The following MRRF variants were observed in gnomAD, a reference collection of about 807,000 sequenced individuals.
The protein encoded by MRRF is mitochondrial ribosome recycling factor.
A neutral mutation model predicts 25.1 loss-of-function variants in MRRF; 18 were observed. The ratio of observed to expected loss-of-function variants is 0.72; its 90% CI spans 0.50 to 1.06. MRRF has a LOEUF of 1.06. MRRF is among the 50% of genes least tolerant of loss of function. MRRF has a pLI of 0.00. For missense variants in MRRF, 323 were observed against 319.3 expected (o/e 1.01, Z -0.09); for synonymous variants, 113 against 112.1 (o/e 1.01, Z -0.05).
At chr9:122,321,217 G>T (rs1835871275) in intron 6 of MRRF, among the ~76,000 whole-genome samples, 1 of 152,016 alleles carries the variant, frequency 6.6e-6, no homozygotes, top group African/African-American at 2.4e-5. Flanking sequence ...ACATATTTTA[G>T]AGATCATTTC....
rs554886813 is a variant in MRRF at position 122,303,411 on chromosome 9, T to A, written c.552-9816T>A. On this transcript the variant is annotated intron_variant, in intron 5 of 6. Coordinates refer to ENST00000344641, the MANE Select transcript of MRRF (RefSeq NM_138777.5). ...TTAATTTTATCTTTTTGAGACAGGC[T>A]TTTACTTTGTCACTCAGGCTCGAGT... Among the ~76,000 whole-genome samples the A allele has an allele frequency of 3.3e-5, 5 of 152,126 alleles. No individual in the cohort carries two copies. In the South Asian group the frequency reaches 1.0e-3, roughly 32 times the overall value.
At chr9:122,270,685 G>A (rs1832391288) in intron 1 of MRRF, 179 bp from the exon 2 acceptor site, 1 of 579,570 alleles carries the variant, frequency 1.7e-6, no homozygotes, top group Admixed American at 2.9e-5. Context: ...TGTAAAATGA[G>A]GCAAATAATA....
chr9:122,323,312 C>T lies in MRRF; in HGVS notation c.*695C>T, dbSNP rs1835996924. On this transcript the variant is annotated 3_prime_UTR_variant, in exon 7 of 7. Coordinates refer to ENST00000344641, the MANE Select transcript of MRRF (RefSeq NM_138777.5). ...ACCTAGGACCCTCATTACCGGCTCT[C>T]ATAGCACAGTCTACTGCTTTGTACG... 1 of 156,380 alleles carries T rather than the reference C, an allele frequency of 6.4e-6. No individual in the cohort carries two copies. Among genetic ancestry groups the T allele is most frequent in the African/African-American group, 2.4e-5 (1 of 41,584 alleles). 9.7% of individuals were successfully genotyped at this position (156,380 alleles called of 1,614,324 possible).
intron 3 of MRRF, among the ~76,000 whole-genome samples, chr9:122,282,128 A>G (rs2118705291): frequency 6.6e-6 from 1 of 152,312 alleles, no homozygotes; most frequent in South Asian, 2.1e-4. Context: ...GACTGGGTGA[A>G]ACAGACTAAA....
At chr9:122,280,223 G>A (rs988063264) in intron 2 of MRRF, among the ~76,000 whole-genome samples, 2 of 152,216 alleles carry the variant, frequency 1.3e-5, no homozygotes, top group South Asian at 4.1e-4. Context: ...CTAACCTGGG[G>A]TGTCTGATTA....
At chr9:122,274,384 C>T (rs182877465) in intron 2 of MRRF, among the ~76,000 whole-genome samples, 1 of 152,268 alleles carries the variant, frequency 6.6e-6, no homozygotes, top group East Asian at 1.9e-4. Context: ...AGGCCAGGCA[C>T]GATGGCTCAC....
intron 2 of MRRF, among the ~76,000 whole-genome samples, chr9:122,273,517 ATC>A (rs1213284457): frequency 2.0e-5 from 3 of 150,616 alleles, no homozygotes; most frequent in Admixed American, 2.0e-4. Context: ...GGGGAATCCT[ATC>A]TTTTTTTTTT....
At chr9:122,267,783 C>A (rs535014555) in intron 1 of MRRF, among the ~76,000 whole-genome samples, 2 of 152,174 alleles carry the variant, frequency 1.3e-5, no homozygotes, top group African/African-American at 4.8e-5. Context: ...TGTGCATAAA[C>A]CACTTAGAAT....
intron 1 of MRRF, among the ~76,000 whole-genome samples, chr9:122,269,614 C>G (rs545811397): frequency 6.6e-6 from 1 of 152,140 alleles, no homozygotes; most frequent in Admixed American, 6.5e-5. Context: ...GTAATCCCAG[C>G]TACTTGGGAG....
chr9:122,298,569 C>G (rs952746965), intron 5 of MRRF, among the ~76,000 whole-genome samples: 3 of 152,172 alleles, frequency 2.0e-5, no homozygotes, highest in African/African-American at 7.2e-5. Flanking sequence ...CCTCTGGTCC[C>G]GGACAACCAC....
chr9:122,285,318 TG>T, intron 4 of MRRF, 31 bp downstream of exon 4: 1 of 1,304,102 alleles, frequency 7.7e-7, no homozygotes, highest in Non-Finnish European at 1.1e-6. Flanking sequence ...TCTCTCTCCG[TG>T]GTCTCTTTTG....
At chr9:122,321,481 A>G (rs2119018031) in intron 6 of MRRF, among the ~76,000 whole-genome samples, 1 of 152,300 alleles carries the variant, frequency 6.6e-6, no homozygotes, top group South Asian at 2.1e-4. Flanking sequence ...AACTTCAGAA[A>G]ATTTTTTCAG....
intron 3 of MRRF, among the ~76,000 whole-genome samples, chr9:122,283,821 G>A (rs1833222330): frequency 6.6e-6 from 1 of 152,130 alleles, no homozygotes; most frequent in African/African-American, 2.4e-5. Context: ...GGGAAATAAG[G>A]GAGTTTGAAT....
Position 122,329,803 on chromosome 9 carries a change from T to A in MRRF, c.*7186T>A, listed in dbSNP as rs1242669745. 1 of 152,352 alleles carries A rather than the reference T, an allele frequency of 6.6e-6. No individual in the cohort carries two copies. The highest frequency in any genetic ancestry group is 6.5e-5 in the Admixed American group (1 of 15,288). 9.4% of individuals were successfully genotyped at this position (152,352 alleles called of 1,614,324 possible). On this transcript the variant is annotated 3_prime_UTR_variant, in exon 7 of 7. Transcript: ENST00000344641. ...CTCAGAGGCAGAACATGGCTAACCC[T>A]AGATAAGCCTTGTGTGAATTCCTGG...
intron 6 of MRRF, among the ~76,000 whole-genome samples, chr9:122,314,148 C>T (rs942977197): frequency 2.0e-5 from 3 of 152,232 alleles, no homozygotes; most frequent in South Asian, 2.1e-4. Context: ...ACTCAGTGAT[C>T]GACAATATCA....
At chr9:122,301,774 C>T (rs188446496) in intron 5 of MRRF, among the ~76,000 whole-genome samples, 12 of 151,386 alleles carry the variant, frequency 7.9e-5, no homozygotes, top group Admixed American at 2.6e-4. Flanking sequence ...CTCTCTGTTG[C>T]CCAGGCTGGA....
chr9:122,265,865 C>T (rs1832044573), intron 1 of MRRF: 9 of 732,530 alleles, frequency 1.2e-5, no homozygotes, highest in South Asian at 8.6e-5. Context: ...CTTCTTTGGC[C>T]GTGCCAGGTG....
intron 4 of MRRF, among the ~76,000 whole-genome samples, chr9:122,288,135 A>G (rs747829367): frequency 4.6e-5 from 7 of 152,112 alleles, no homozygotes; most frequent in African/African-American, 7.2e-5. Flanking sequence ...AATGATACAC[A>G]TAGTTGCTGC....
intron 2 of MRRF, among the ~76,000 whole-genome samples, chr9:122,272,440 G>C (rs1832517944): frequency 6.6e-6 from 1 of 151,910 alleles, no homozygotes; most frequent in Non-Finnish European, 1.5e-5. Flanking sequence ...CTGAGGTGAG[G>C]GGATTGCTTG....
Sources: gnomAD v4.1 joint callset for allele counts (sites outside exome capture counted in the v4.1 genomes callset) on GRCh38, gnomAD v4.1.1 for gene constraint, MANE v1.5 for transcripts, NCBI Gene and HGNC (gene_info 2026-07-23, HGNC 2026-07-21) for gene names.